LRRC4B: variants seen among roughly 807,000 people sequenced by gnomAD.
LRRC4B encodes leucine rich repeat containing 4B.
Under a neutral mutation model 7.3 loss-of-function variants are expected in LRRC4B, and 1 was observed. That is an observed-to-expected ratio of 0.14 (90% CI 0.05 to 0.65). The LOEUF is 0.65. Among genes scored for constraint, LRRC4B ranks in the 30% least tolerant of loss-of-function variants. The pLI is 0.84. For missense variants in LRRC4B, 730 were observed against 1,041.6 expected, an observed-to-expected ratio of 0.70 and a Z score of 4.12; for synonymous variants, 500 against 499.2, an observed-to-expected ratio of 1.00 and a Z score of -0.02.
rs1440796880 is a variant in LRRC4B, at chr19:50,556,117, C to T, written c.-35-7244G>A. ...GCTTCTATGTCTGGAGGTAGAAGAA[C>T]CTTAGGGAAAGGGCAGTCCAGGCCC... On this transcript the variant is annotated intron_variant, in intron 1 of 2. Coordinates refer to ENST00000652263, the MANE Select transcript of LRRC4B (RefSeq NM_001080457.2). This position sits in a 1 kb window ranked among gnomAD's most constrained non-coding sequence, Gnocchi z 4.2. Among the ~76,000 whole-genome samples the T allele has an allele frequency of 6.6e-6, 1 of 152,126 alleles. No homozygotes were observed. Among genetic ancestry groups the T allele is most frequent in the African/African-American group, 2.4e-5 (1 of 41,430 alleles).
Position 50,518,147 on chromosome 19 carries a change from C to A in LRRC4B, c.1566G>T (p.Trp522Cys). 1 of 1,604,656 alleles carries A rather than the reference C, an allele frequency of 6.2e-7. No individual in the cohort carries two copies. The highest frequency in any genetic ancestry group is 1.1e-5 in the South Asian group (1 of 90,642). The part of the protein sequence containing the change: ...EPPGPTTDGV[W>C]GGGRPGDAAG... Reference sequence around the variant, plus strand: ...CCGCGTCCCCAGGCCGGCCCCCACCCCAGACACCGTCTGTCGTGGGCCCTG... The same window carrying A: ...CCGCGTCCCCAGGCCGGCCCCCACCACAGACACCGTCTGTCGTGGGCCCTG... Residue 522 changes from tryptophan to cysteine, a missense_variant, in exon 3 of 3, where the codon TGG becomes TGT. By Grantham distance (215) the Trp-to-Cys change is radical. This residue lies in a region of LRRC4B where 192 missense variants were observed against 228.6 expected (regional missense o/e 0.84). Transcript: ENST00000652263.
At chr19:50,533,348 T>A (rs1981133861) in intron 2 of LRRC4B, among the ~76,000 whole-genome samples, 1 of 152,236 alleles carries the variant, frequency 6.6e-6, no homozygotes, top group Non-Finnish European at 1.5e-5. Flanking sequence ...ATTTAGTGGT[T>A]ACCCTTAAAA....
chr19:50,518,431 C>A lies in LRRC4B; in HGVS notation c.1282G>T (p.Val428Leu). 6.4e-7 allele frequency: 1 copy of A among 1,556,184 alleles called. No homozygotes were observed. Among genetic ancestry groups the A allele is most frequent in the Non-Finnish European group, 8.7e-7 (1 of 1,152,816 alleles). Residue 428 changes from valine (V) to leucine (L), a missense_variant, in exon 3 of 3, where the codon GTG becomes TTG. Physicochemically the swap from Val to Leu is conservative, Grantham distance 32. Around this residue, in one of 6 missense-constraint regions of LRRC4B, gnomAD observed 192 missense variants for 228.6 expected, o/e 0.84. Coordinates refer to ENST00000652263, the MANE Select transcript of LRRC4B (RefSeq NM_001080457.2). ...DGTLNFTNVT[V>L]QDTGQYTCMV... ...CACGTGTACTGGCCCGTGTCCTGCACGGTGACGTTGGTGAAGTTAAGCGTG... is the reference window on the plus strand; with the variant it reads ...CACGTGTACTGGCCCGTGTCCTGCAAGGTGACGTTGGTGAAGTTAAGCGTG...
chr19:50,544,376 G>T (rs866819297), intron 2 of LRRC4B, among the ~76,000 whole-genome samples: 32 of 151,610 alleles, frequency 2.1e-4, no homozygotes, highest in South Asian at 1.2e-3. Flanking sequence ...GTGTGGTGGC[G>T]GGCACCTGTA....
chr19:50,560,223 G>T lies in LRRC4B; in HGVS notation c.-36+7721C>A, dbSNP rs182809001. Among the ~76,000 whole-genome samples the T allele has an allele frequency of 9.4e-4, 143 of 152,200 alleles. 1 individual carries two copies. Among genetic ancestry groups the T allele is most frequent in the Non-Finnish European group, 8.4e-4 (57 of 68,000 alleles). Reference sequence around the variant, plus strand: ...TCATTCTGTTTCCCAGGGGATGCAGGTCTCACAGCAAGGGGCTGAAGGGTC... The same window carrying T: ...TCATTCTGTTTCCCAGGGGATGCAGTTCTCACAGCAAGGGGCTGAAGGGTC... On this transcript the variant is annotated intron_variant, in intron 1 of 2. Coordinates refer to ENST00000652263, the MANE Select transcript of LRRC4B (RefSeq NM_001080457.2).
chr19:50,558,344 C>T (rs1442149523), intron 1 of LRRC4B, among the ~76,000 whole-genome samples: 2 of 152,196 alleles, frequency 1.3e-5, no homozygotes, highest in African/African-American at 2.4e-5. Context: ...GATCCTCCCA[C>T]CTCAGCCTCC....
At chr19:50,567,508 C>A (rs1982668715) in intron 1 of LRRC4B, among the ~76,000 whole-genome samples, 1 of 150,474 alleles carries the variant, frequency 6.6e-6, no homozygotes. Flanking sequence ...CACTGGCGTG[C>A]CCCCCCCACC....
Position 50,517,397 on chromosome 19 carries a change from GTCCT to G in LRRC4B, c.*170_*173del. Reference sequence around the variant, plus strand: ...GACTCCGCTCCTGGAGCCCCACCCTGTCCTTACTGGGGGTCCGAGCCCCAGATGG... The same window carrying G: ...GACTCCGCTCCTGGAGCCCCACCCTGTACTGGGGGTCCGAGCCCCAGATGG... On this transcript the variant is annotated 3_prime_UTR_variant, in exon 3 of 3. Coordinates refer to ENST00000652263, the MANE Select transcript of LRRC4B (RefSeq NM_001080457.2). The surrounding 1 kb of genome is among the most constrained non-coding windows in gnomAD (Gnocchi z 6.6). 1 of 478,570 alleles carries G rather than the reference GTCCT, an allele frequency of 2.1e-6. No individual in the cohort carries two copies. The highest frequency in any genetic ancestry group is 3.4e-6 in the Non-Finnish European group (1 of 297,072). The allele number at this position is 478,570 out of a possible 1,614,324, so 29.6% of individuals were successfully genotyped here.
chr19:50,535,018 G>A lies in LRRC4B; in HGVS notation c.297+13524C>T, dbSNP rs898366748. Among the ~76,000 whole-genome samples, 13 of 148,834 alleles carry A rather than the reference G, an allele frequency of 8.7e-5. 1 individual carries two copies. The highest frequency in any genetic ancestry group is 6.0e-4 in the East Asian group (3 of 5,042). On this transcript the variant is annotated intron_variant, in intron 2 of 2. Coordinates refer to ENST00000652263, the MANE Select transcript of LRRC4B (RefSeq NM_001080457.2). ...CGAGTAGCTGGGATTACAGGCGCCT[G>A]CCACCACACCCAGCTAATTGTTTGT... is the stretch of plus-strand genomic sequence containing the variant.
At chr19:50,523,605 GTGAGCCGAGATCGCGCCACTGCACTC>G (rs1465711616) in intron 2 of LRRC4B, among the ~76,000 whole-genome samples, 1 of 151,270 alleles carries the variant, frequency 6.6e-6, no homozygotes, top group African/African-American at 2.4e-5. Context: ...GGAGGTTGCA[GTGAGCCGAGATCGCGCCACTGCACTC>G]TGGCCTGGGC....
intron 2 of LRRC4B, among the ~76,000 whole-genome samples, chr19:50,531,794 C>T (rs1353315441): frequency 2.0e-5 from 3 of 152,146 alleles, no homozygotes; most frequent in Non-Finnish European, 2.9e-5. Flanking sequence ...CCACTTTCCT[C>T]CCAGGTAGCA....
chr19:50,524,814 C>T (rs1980730105), intron 2 of LRRC4B, among the ~76,000 whole-genome samples: 1 of 152,224 alleles, frequency 6.6e-6, no homozygotes, highest in South Asian at 2.1e-4. Context: ...CGCATGCAGT[C>T]CCCGAGCCCA....
rs71886675 is a variant in LRRC4B, at chr19:50,538,559, G to GT, written c.297+9982dup. 7.6e-3 allele frequency among the ~76,000 whole-genome samples: 689 copies of GT among 90,310 alleles called. 81 individuals carry two copies. Among genetic ancestry groups the GT allele is most frequent in the East Asian group, 0.014 (38 of 2,706 alleles). 59.2% of individuals were successfully genotyped at this position (90,310 alleles called of 152,430 possible). A position where few individuals can be genotyped will look rare whatever the true frequency, so the allele number is the denominator to read the frequency against. The stretch of plus-strand genomic sequence containing the variant: ...ATTTGGTTAGTTTGGGTTTTGTCTT[G>GT]TTTTTTTTTTTTTTTTTTTTTTTTT... On this transcript the variant is annotated intron_variant, in intron 2 of 2. Coordinates refer to ENST00000652263, the MANE Select transcript of LRRC4B (RefSeq NM_001080457.2).
rs1357099413 is a variant in LRRC4B at position 50,548,873 on chromosome 19, G to A, written c.-35C>T. Reference sequence around the variant, plus strand: ...TCATGCTCCGCGTGGACGCTGGGGGGCTGTGGGTGGGGGAGAGAAGGGGGA... The same window carrying A: ...TCATGCTCCGCGTGGACGCTGGGGGACTGTGGGTGGGGGAGAGAAGGGGGA... On this transcript the variant is annotated splice_region_variant and 5_prime_UTR_variant, in exon 2 of 3. Transcript: ENST00000652263. The surrounding 1 kb of genome is among the most constrained non-coding windows in gnomAD (Gnocchi z 6.8). 8.5e-6 allele frequency: 12 copies of A among 1,404,080 alleles called. No homozygotes were observed. The South Asian group carries it at 1.3e-4, about 15-fold the overall frequency. The allele number at this position is 1,404,080 out of a possible 1,614,324, so 87.0% of individuals were successfully genotyped here. A position where few individuals can be genotyped will look rare whatever the true frequency, so the allele number is the denominator to read the frequency against.
chr19:50,567,290 C>G (rs536577256), intron 1 of LRRC4B, among the ~76,000 whole-genome samples: 3 of 151,778 alleles, frequency 2.0e-5, no homozygotes, highest in African/African-American at 7.3e-5. Context: ...GGGCAGGGGT[C>G]CGAGCCGCCC....
intron 2 of LRRC4B, among the ~76,000 whole-genome samples, chr19:50,529,798 C>G (rs757234069): frequency 2.6e-5 from 4 of 151,932 alleles, no homozygotes; most frequent in Non-Finnish European, 5.9e-5. Context: ...AGAATCGTCT[C>G]GATAATAATA....
intron 2 of LRRC4B, among the ~76,000 whole-genome samples, chr19:50,544,322 C>G (rs1041586679): frequency 2.6e-5 from 4 of 151,480 alleles, no homozygotes; most frequent in African/African-American, 9.7e-5. Context: ...CTGGCTAACA[C>G]AGTGAAACCT....
intron 2 of LRRC4B, among the ~76,000 whole-genome samples, chr19:50,528,636 C>T (rs749910613): frequency 2.0e-5 from 3 of 152,204 alleles, no homozygotes; most frequent in Non-Finnish European, 2.9e-5. Flanking sequence ...TGAGCCACTG[C>T]GCCCGGCCGA....
chr19:50,547,102 G>A (rs1047298283), intron 2 of LRRC4B, among the ~76,000 whole-genome samples: 6 of 152,214 alleles, frequency 3.9e-5, no homozygotes, highest in African/African-American at 1.4e-4. Context: ...AGTGCGGAAT[G>A]TCACCTGCTC....
Sources: gnomAD v4.1 joint callset for allele counts (sites outside exome capture counted in the v4.1 genomes callset) on GRCh38, gnomAD v4.1.1 for gene constraint, gnomAD v4.1.1 regional missense constraint, Gnocchi (gnomAD v3.1) non-coding constraint, MANE v1.5 for transcripts, NCBI Gene and HGNC (gene_info 2026-07-23, HGNC 2026-07-21) for gene names.